Variants in TLE1 observed in about 807,000 individuals in gnomAD.
The protein encoded by TLE1 is transducin-like enhancer protein 1.
In TLE1, 21 loss-of-function variants were observed where a neutral mutation model predicts 89.8. That is an observed-to-expected ratio of 0.23 (90% CI 0.17 to 0.34). The LOEUF is 0.34. Ranked by LOEUF, TLE1 falls within the 10% of genes least tolerant of loss-of-function variation. TLE1 has a pLI of 1.00. For synonymous variants in TLE1, 447 were observed against 407.6 expected (o/e 1.10, Z -1.16); for missense variants, 795 against 1,031.2 (o/e 0.77, Z 3.14).
chr9:81,683,222 ATT>A (rs58069135), intron 4 of TLE1, among the ~76,000 whole-genome samples: 9 of 139,282 alleles, frequency 6.5e-5, no homozygotes, highest in Non-Finnish European at 9.4e-5. Context: ...CCATCACTGC[ATT>A]TTTTTTTTTT....
intron 14 of TLE1, among the ~76,000 whole-genome samples, chr9:81,603,442 C>T (rs945527246): frequency 6.6e-6 from 1 of 152,174 alleles, no homozygotes; most frequent in Non-Finnish European, 1.5e-5. Flanking sequence ...TCTGACCTCT[C>T]TCTTTCTATA....
chr9:81,652,143 AGC>A, intron 6 of TLE1, 69 bp downstream of exon 6: 1 of 1,443,152 alleles, frequency 6.9e-7, no homozygotes, highest in Non-Finnish European at 9.7e-7. Context: ...ACACACGTAA[AGC>A]CATCAAATTA....
intron 16 of TLE1, 98 bp from the exon 17 acceptor site, chr9:81,587,926 G>GTGTCATCCCGCC (rs1828811566): frequency 3.2e-5 from 28 of 880,606 alleles, no homozygotes; most frequent in Admixed American, 7.5e-5. Flanking sequence ...GTGTGTGTGT[G>GTGTCATCCCGCC]TGTGTGTGTG....
intron 1 of TLE1, 49 bp downstream of exon 1, chr9:81,688,168 C>T (rs746010630): frequency 1.9e-6 from 3 of 1,599,410 alleles, no homozygotes; most frequent in African/African-American, 1.4e-5. Flanking sequence ...CCGGGAGAAG[C>T]GCCTCCCCAA....
chr9:81,615,850 G>A, intron 11 of TLE1, 132 bp downstream of exon 11: 1 of 1,155,244 alleles, frequency 8.7e-7, no homozygotes, highest in Non-Finnish European at 1.2e-6. Context: ...AGAAGGATGA[G>A]TTTCACTATT....
At chr9:81,590,289 G>C (rs377547480) in intron 16 of TLE1, among the ~76,000 whole-genome samples, 1 of 152,164 alleles carries the variant, frequency 6.6e-6, no homozygotes, top group South Asian at 2.1e-4. Context: ...AGAGCCCTGC[G>C]GGCTCCTGGG....
intron 4 of TLE1, among the ~76,000 whole-genome samples, chr9:81,659,167 C>T (rs960012579): frequency 3.3e-5 from 5 of 152,148 alleles, no homozygotes; most frequent in African/African-American, 1.2e-4. Context: ...CTCAGCCTCC[C>T]AAAGTGGTGG....
At chr9:81,655,865 A>G (rs114847675) in intron 4 of TLE1, among the ~76,000 whole-genome samples, 30,737 of 144,284 alleles carry the variant, frequency 0.21, 3,809 homozygotes, top group Non-Finnish European at 0.28. Context: ...AAAAAAAAAA[A>G]AAAAGAAAAG....
In TLE1 at chr9:81,666,776, A is replaced by AAAATAAATAAATAAATAAAT. The variant is rs58357123; in HGVS notation, c.235-12760_235-12741dup. On this transcript the variant is annotated intron_variant, in intron 4 of 19. Transcript: ENST00000376499. ...GGTGACAGAGCAAGACTCGTCTCAC[A>AAAATAAATAAATAAATAAAT]AAATAAATAAATAAATAAATAAATA... Among the ~76,000 whole-genome samples, 885 of 141,858 alleles carry AAAATAAATAAATAAATAAAT rather than the reference A, an allele frequency of 6.2e-3. 6 individuals are homozygous for AAAATAAATAAATAAATAAAT. The highest frequency in any genetic ancestry group is 7.6e-3 in the Admixed American group (107 of 14,040). 93.1% of individuals were successfully genotyped at this position (141,858 alleles called of 152,430 possible).
At chr9:81,599,998 T>G (rs1830702601) in intron 14 of TLE1, 1 of 643,174 alleles carries the variant, frequency 1.6e-6, no homozygotes, top group Admixed American at 2.6e-5. Flanking sequence ...CCTAAGTTGA[T>G]AAATGAGGAA....
intron 14 of TLE1, among the ~76,000 whole-genome samples, chr9:81,596,030 C>T (rs1430666491): frequency 6.6e-6 from 1 of 151,964 alleles, no homozygotes; most frequent in African/African-American, 2.4e-5. Context: ...TTTCATCAAT[C>T]TCAGATTTTT....
At chr9:81,686,948 C>A (rs933305943) in intron 2 of TLE1, among the ~76,000 whole-genome samples, 4 of 152,150 alleles carry the variant, frequency 2.6e-5, no homozygotes, top group Non-Finnish European at 4.4e-5. Context: ...TGGCAAACAG[C>A]GATTTCAACA....
At chr9:81,650,262 C>T (rs1217912632) in intron 6 of TLE1, among the ~76,000 whole-genome samples, 1 of 152,212 alleles carries the variant, frequency 6.6e-6, no homozygotes, top group Non-Finnish European at 1.5e-5. Flanking sequence ...ATGCGATTTC[C>T]TCCTTCCTAA....
At chr9:81,609,211 A>G (rs1201483930) in intron 14 of TLE1, among the ~76,000 whole-genome samples, 1 of 151,912 alleles carries the variant, frequency 6.6e-6, no homozygotes, top group Non-Finnish European at 1.5e-5. Context: ...CAGCCTCCCG[A>G]GTAGCTGGGA....
chr9:81,625,049 A>G (rs193244934), intron 8 of TLE1, among the ~76,000 whole-genome samples: 1 of 152,204 alleles, frequency 6.6e-6, no homozygotes, highest in Admixed American at 6.5e-5. Context: ...GCTCAGTATC[A>G]GAAACATAAA....
intron 4 of TLE1, among the ~76,000 whole-genome samples, chr9:81,669,467 A>G (rs950954112): frequency 1.3e-5 from 2 of 152,350 alleles, no homozygotes; most frequent in Admixed American, 1.3e-4. Flanking sequence ...CATCAGCTGA[A>G]GTCTGGAACG....
At chr9:81,669,337 CT>C (rs1831913477) in intron 4 of TLE1, among the ~76,000 whole-genome samples, 1 of 152,228 alleles carries the variant, frequency 6.6e-6, no homozygotes, top group African/African-American at 2.4e-5. Flanking sequence ...GCCCTCCCTC[CT>C]TCTGGGCCAC....
At chr9:81,653,578 CA>C (rs1829813370) in intron 5 of TLE1, among the ~76,000 whole-genome samples, 1 of 152,178 alleles carries the variant, frequency 6.6e-6, no homozygotes, top group Non-Finnish European at 1.5e-5. Context: ...TACATAAGTA[CA>C]AAAGAACTAT....
intron 15 of TLE1, among the ~76,000 whole-genome samples, chr9:81,591,649 G>A (rs1290359109): frequency 2.0e-5 from 3 of 152,116 alleles, no homozygotes; most frequent in African/African-American, 4.8e-5. Context: ...CCTGAAAGAT[G>A]CAGATATGGC....
Sources: allele counts gnomAD v4.1 joint callset (sites outside exome capture counted in the v4.1 genomes callset), GRCh38; gene constraint gnomAD v4.1.1; transcripts MANE v1.5; gene names NCBI Gene and HGNC (gene_info 2026-07-23, HGNC 2026-07-21).